The following THSD4 variants were observed in gnomAD, a reference collection of about 807,000 sequenced individuals.
THSD4 encodes thrombospondin type-1 domain-containing protein 4.
A neutral mutation model predicts 119.0 loss-of-function variants in THSD4; 69 were observed. That is an observed-to-expected ratio of 0.58 (90% CI 0.48 to 0.71). The LOEUF (loss-of-function observed/expected upper bound fraction) is 0.71, where lower values mean the gene tolerates loss of function less well. Ranked by LOEUF, THSD4 falls within the 30% of genes least tolerant of loss-of-function variation. THSD4 has a pLI of 0.00. For missense variants in THSD4, 1,393 were observed against 1,391.1 expected, an observed-to-expected ratio of 1.00 and a Z score of -0.02; for synonymous variants, 524 against 540.4, an observed-to-expected ratio of 0.97 and a Z score of 0.42.
intron 3 of THSD4, among the ~76,000 whole-genome samples, chr15:71,197,602 G>A (rs1007976718): frequency 1.3e-5 from 2 of 152,182 alleles, no homozygotes; most frequent in Admixed American, 1.3e-4. Flanking sequence ...CCTGGCAGAT[G>A]AGAGGGTCCC....
At chr15:71,312,200 C>A (rs1024633486) in intron 6 of THSD4, among the ~76,000 whole-genome samples, 1 of 151,962 alleles carries the variant, frequency 6.6e-6, no homozygotes, top group Non-Finnish European at 1.5e-5. Context: ...TAATTGAGGC[C>A]GTCTGTAATC....
intron 7 of THSD4, among the ~76,000 whole-genome samples, chr15:71,497,271 G>A (rs1160028419): frequency 1.3e-5 from 2 of 152,142 alleles, no homozygotes; most frequent in Admixed American, 1.3e-4. Flanking sequence ...CCAGCACTCC[G>A]GGAGGCTGAC....
At chr15:71,249,144 T>C (rs950945715) in intron 5 of THSD4, among the ~76,000 whole-genome samples, 5 of 152,142 alleles carry the variant, frequency 3.3e-5, no homozygotes, top group African/African-American at 7.2e-5. Context: ...TATACACTTA[T>C]ATGTGAATCA....
Position 71,364,871 on chromosome 15 carries a change from T to A in THSD4, c.1016-46816T>A, listed in dbSNP as rs1454708973. On this transcript the variant is annotated intron_variant, in intron 6 of 17. Coordinates refer to ENST00000261862, the MANE Select transcript of THSD4 (RefSeq NM_024817.3). ...GCTGATTCTGGGGGTGGGTTACAAA[T>A]GGAACTTGTATGCATGTGAATTAAT... Among the ~76,000 whole-genome samples the A allele has an allele frequency of 3.3e-5, 5 of 152,328 alleles. No homozygotes were observed. In the South Asian group the frequency reaches 6.2e-4, roughly 19 times the overall value.
chr15:71,592,222 C>T (rs892721332), intron 7 of THSD4, among the ~76,000 whole-genome samples: 9 of 152,244 alleles, frequency 5.9e-5, no homozygotes, highest in African/African-American at 1.2e-4. Flanking sequence ...AAGTTTGGAT[C>T]TTTTGGCAGG....
intron 6 of THSD4, among the ~76,000 whole-genome samples, chr15:71,295,013 A>G (rs2044843812): frequency 6.6e-6 from 1 of 151,390 alleles, no homozygotes; most frequent in Non-Finnish European, 1.5e-5. Context: ...ACTGGGTCCA[A>G]GATTGGGGTG....
At chr15:71,283,882 G>C (rs191268150) in intron 6 of THSD4, among the ~76,000 whole-genome samples, 1 of 152,296 alleles carries the variant, frequency 6.6e-6, no homozygotes, top group African/African-American at 2.4e-5. Context: ...CAATGCCCAG[G>C]GATGGTAAAT....
At position 71,590,299 on chromosome 15, in the gene THSD4, C is replaced by A. The variant is rs2049768726; in HGVS notation, c.1153-70231C>A. Among the ~76,000 whole-genome samples, 2 of 134,686 alleles carry A rather than the reference C, an allele frequency of 1.5e-5. 1 individual carries two copies. Among genetic ancestry groups the A allele is most frequent in the South Asian group, 4.9e-4 (2 of 4,094 alleles). 88.4% of individuals were successfully genotyped at this position (134,686 alleles called of 152,430 possible). A position where few individuals can be genotyped will look rare whatever the true frequency, so the allele number is the denominator to read the frequency against. On this transcript the variant is annotated intron_variant, in intron 7 of 17. Coordinates refer to ENST00000261862, the MANE Select transcript of THSD4 (RefSeq NM_024817.3). Reference sequence around the variant, plus strand: ...CAGTGCTGGACGAAGACTGATTTGGCAGCTTGTAATAATGTAGTTTTGAGG... The same window carrying A: ...CAGTGCTGGACGAAGACTGATTTGGAAGCTTGTAATAATGTAGTTTTGAGG...
chr15:71,385,100 CCAGTT>C (rs2140458601), intron 6 of THSD4, among the ~76,000 whole-genome samples: 1 of 152,244 alleles, frequency 6.6e-6, no homozygotes, highest in East Asian at 1.9e-4. Flanking sequence ...TGGATCCAGT[CCAGTT>C]AATTATTGGA....
rs148399092 is a variant in THSD4, at chr15:71,181,022, A to G, written c.99+26090A>G. On this transcript the variant is annotated intron_variant, in intron 3 of 17. Transcript: ENST00000261862. Reference sequence around the variant, plus strand: ...AAATGGCAATAAAAGTCTCTGGAACAGTGTGAGATTGTCCCTTGGGAGTGA... The same window carrying G: ...AAATGGCAATAAAAGTCTCTGGAACGGTGTGAGATTGTCCCTTGGGAGTGA... Among the ~76,000 whole-genome samples, 247 of 152,322 alleles carry G rather than the reference A, an allele frequency of 1.6e-3. 3 individuals are homozygous for G. The highest frequency in any genetic ancestry group is 0.015 in the Admixed American group (227 of 15,296).
rs75065308 is a variant in THSD4 at position 71,127,665 on chromosome 15, G to A, written c.-80+11967G>A. ...TTAATTTGCATTTCCCTAAAGGTTA[G>A]CAATGTTGAGGATCTTTTTATATAC... On this transcript the variant is annotated intron_variant, in intron 1 of 17. Coordinates refer to ENST00000261862, the MANE Select transcript of THSD4 (RefSeq NM_024817.3). Among the ~76,000 whole-genome samples the A allele has an allele frequency of 6.9e-3, 1,054 of 152,306 alleles. 9 individuals carry two copies. The highest frequency in any genetic ancestry group is 0.023 in the African/African-American group (961 of 41,556).
At chr15:71,508,937 A>AT (rs56074729) in intron 7 of THSD4, among the ~76,000 whole-genome samples, 59,086 of 143,914 alleles carry the variant, frequency 0.41, 14,456 homozygotes, top group East Asian at 0.75. Context: ...AAAAGGATGG[A>AT]TTTTTTTTTT....
In THSD4 at chr15:71,519,245, G is replaced by T. The variant is rs558888092; in HGVS notation, c.1152+107422G>T. ...GAAGGCCAGTTTTGCTGTGTAGCCG[G>T]TGGGGGTGAGTGACAATATAAGGTC... On this transcript the variant is annotated intron_variant, in intron 7 of 17. Transcript: ENST00000261862. 1.7e-4 allele frequency among the ~76,000 whole-genome samples: 26 copies of T among 152,318 alleles called. No individual in the cohort carries two copies. The South Asian group carries it at 4.6e-3, about 27-fold the overall frequency.
At chr15:71,199,790 GCT>G (rs1439248224) in intron 3 of THSD4, among the ~76,000 whole-genome samples, 6 of 140,358 alleles carry the variant, frequency 4.3e-5, no homozygotes, top group Non-Finnish European at 7.6e-5. Context: ...GTGGGTGTGT[GCT>G]GTGTGTGTGC....
intron 6 of THSD4, among the ~76,000 whole-genome samples, chr15:71,281,279 A>G (rs1431489595): frequency 6.6e-6 from 1 of 152,262 alleles, no homozygotes; most frequent in African/African-American, 2.4e-5. Flanking sequence ...CTTGTTAATT[A>G]AAACATTGTG....
At chr15:71,189,793 C>T (rs74704024) in intron 3 of THSD4, among the ~76,000 whole-genome samples, 34 of 152,278 alleles carry the variant, frequency 2.2e-4, no homozygotes, top group Middle Eastern at 3.4e-3. Flanking sequence ...GTTCTTCAAC[C>T]ACAGTATGTA....
intron 6 of THSD4, among the ~76,000 whole-genome samples, chr15:71,284,380 TAC>T (rs1344084765): frequency 6.6e-6 from 1 of 152,226 alleles, no homozygotes; most frequent in East Asian, 1.9e-4. Context: ...CAGAAATTCA[TAC>T]ACATAAGTGT....
intron 7 of THSD4, among the ~76,000 whole-genome samples, chr15:71,458,431 C>T (rs938193205): frequency 2.0e-5 from 3 of 152,138 alleles, no homozygotes; most frequent in Non-Finnish European, 2.9e-5. Flanking sequence ...GTGTGCTTAT[C>T]TCTAGAATTA....
chr15:71,495,828 A>G (rs1315833969), intron 7 of THSD4, among the ~76,000 whole-genome samples: 2 of 152,206 alleles, frequency 1.3e-5, no homozygotes, highest in African/African-American at 4.8e-5. Context: ...TGTTTTTAGT[A>G]ACTCCATGAG....
Sources: allele counts gnomAD v4.1 joint callset (sites outside exome capture counted in the v4.1 genomes callset), GRCh38; gene constraint gnomAD v4.1.1; transcripts MANE v1.5; gene names NCBI Gene and HGNC (gene_info 2026-07-23, HGNC 2026-07-21).